C10orf90: variants seen among roughly 807,000 people sequenced by gnomAD.
The protein encoded by C10orf90 is chromosome 10 open reading frame 90.
Under a neutral mutation model 62.5 loss-of-function variants are expected in C10orf90, and 56 were observed. The observed-to-expected ratio is 0.90, with a 90% CI of 0.72 to 1.12. C10orf90 has a LOEUF of 1.12. C10orf90 is among the 50% of genes most tolerant of loss of function. C10orf90 has a pLI of 0.00. For missense variants in C10orf90, 970 were observed against 880.4 expected (o/e 1.10, Z -1.29); for synonymous variants, 386 against 340.4 (o/e 1.13, Z -1.47).
chr10:126,550,877 T>C (rs146018021), intron 2 of C10orf90, among the ~76,000 whole-genome samples: 1 of 152,312 alleles, frequency 6.6e-6, no homozygotes, highest in Non-Finnish European at 1.5e-5. Flanking sequence ...AACCTTCAAC[T>C]AAAAACAATT....
At chr10:126,605,298 G>T (rs12762494) in intron 2 of C10orf90, among the ~76,000 whole-genome samples, 3 of 152,150 alleles carry the variant, frequency 2.0e-5, no homozygotes, top group African/African-American at 4.8e-5. Flanking sequence ...TGACTCCAGC[G>T]CTCTCCTCTC....
At chr10:126,509,079 G>C (rs1292091030) in intron 3 of C10orf90, among the ~76,000 whole-genome samples, 1 of 152,186 alleles carries the variant, frequency 6.6e-6, no homozygotes, top group Non-Finnish European at 1.5e-5. Context: ...AGGCCCAGAG[G>C]ACGGGATAAG....
At chr10:126,651,708 C>T (rs1029659649) in intron 1 of C10orf90, among the ~76,000 whole-genome samples, 1 of 152,306 alleles carries the variant, frequency 6.6e-6, no homozygotes, top group East Asian at 1.9e-4. Flanking sequence ...TGCCCTCCCC[C>T]ACTAACTTTG....
At chr10:126,552,737 C>T (rs1373432037) in intron 2 of C10orf90, among the ~76,000 whole-genome samples, 3 of 152,214 alleles carry the variant, frequency 2.0e-5, no homozygotes, top group Non-Finnish European at 4.4e-5. Flanking sequence ...AGGCAGAGGA[C>T]GAAGTAGCAA....
chr10:126,657,348 T>G (rs1846414680), intron 1 of C10orf90, among the ~76,000 whole-genome samples: 1 of 152,188 alleles, frequency 6.6e-6, no homozygotes, highest in Admixed American at 6.5e-5. Context: ...GGCCTCTATT[T>G]TACATTCTGT....
chr10:126,473,059 C>T (rs1183691173), intron 4 of C10orf90, among the ~76,000 whole-genome samples: 1 of 152,118 alleles, frequency 6.6e-6, no homozygotes, highest in African/African-American at 2.4e-5. Context: ...TGTTATAGGG[C>T]ACTTGGGATG....
chr10:126,638,989 G>C (rs898500295), intron 2 of C10orf90, among the ~76,000 whole-genome samples: 4 of 152,222 alleles, frequency 2.6e-5, no homozygotes, highest in East Asian at 1.9e-4. Flanking sequence ...GCCTTTTATG[G>C]AATAACTTTA....
chr10:126,586,223 G>T (rs1844867272), intron 2 of C10orf90, among the ~76,000 whole-genome samples: 1 of 152,224 alleles, frequency 6.6e-6, no homozygotes, highest in Admixed American at 6.5e-5. Flanking sequence ...ATATCAGGTG[G>T]AACAAGTAAG....
At chr10:126,446,980 T>G (rs575512912) in intron 7 of C10orf90, among the ~76,000 whole-genome samples, 5 of 152,184 alleles carry the variant, frequency 3.3e-5, no homozygotes, top group Admixed American at 6.5e-5. Flanking sequence ...AGATGTTTTA[T>G]GTATGCCTAA....
intron 2 of C10orf90, among the ~76,000 whole-genome samples, chr10:126,607,130 G>A (rs1845329492): frequency 6.6e-6 from 1 of 152,174 alleles, no homozygotes. Context: ...AATGAAGGCA[G>A]GGGCGCCCAA....
intron 7 of C10orf90, among the ~76,000 whole-genome samples, chr10:126,437,056 C>G (rs1857971392): frequency 6.6e-6 from 1 of 152,130 alleles, no homozygotes; most frequent in Non-Finnish European, 1.5e-5. Flanking sequence ...ACACAGGGCA[C>G]CTATCCCCCA....
At chr10:126,586,581 A>G (rs867435913) in intron 2 of C10orf90, among the ~76,000 whole-genome samples, 16 of 152,282 alleles carry the variant, frequency 1.1e-4, no homozygotes, top group Middle Eastern at 3.4e-3. Context: ...CTTTCTGGAA[A>G]GTCTTAACTT....
At chr10:126,633,866 T>G (rs1394891197) in intron 2 of C10orf90, among the ~76,000 whole-genome samples, 1 of 152,224 alleles carries the variant, frequency 6.6e-6, no homozygotes, top group African/African-American at 2.4e-5. Context: ...GCTGCTAATT[T>G]AAAAATTAAT....
chr10:126,501,126 G>A (rs961975855), intron 4 of C10orf90, among the ~76,000 whole-genome samples: 4 of 152,202 alleles, frequency 2.6e-5, no homozygotes, highest in Non-Finnish European at 2.9e-5. Context: ...AATATAAACA[G>A]TTCCTCTGAG....
At chr10:126,626,112 C>T (rs1845736499) in intron 2 of C10orf90, among the ~76,000 whole-genome samples, 1 of 138,114 alleles carries the variant, frequency 7.2e-6, no homozygotes, top group African/African-American at 2.8e-5. Flanking sequence ...CTGGGCAACA[C>T]AGCGAGATTC....
chr10:126,570,562 G>A (rs984468578), intron 2 of C10orf90, among the ~76,000 whole-genome samples: 1 of 152,166 alleles, frequency 6.6e-6, no homozygotes, highest in African/African-American at 2.4e-5. Flanking sequence ...AAATTTTGGA[G>A]TAATGCACTG....
At chr10:126,529,678 C>T (rs1338598636) in intron 2 of C10orf90, among the ~76,000 whole-genome samples, 1 of 152,038 alleles carries the variant, frequency 6.6e-6, no homozygotes, top group Non-Finnish European at 1.5e-5. Context: ...GAGACCATTC[C>T]GCATCTACCC....
chr10:126,573,184 A>G (rs1268904779), intron 2 of C10orf90, among the ~76,000 whole-genome samples: 1 of 152,120 alleles, frequency 6.6e-6, no homozygotes, highest in Non-Finnish European at 1.5e-5. Context: ...TCCATGTGAG[A>G]GGGTCGTGAT....
At chr10:126,432,504 C>T (rs545663658) in intron 7 of C10orf90, among the ~76,000 whole-genome samples, 2 of 152,272 alleles carry the variant, frequency 1.3e-5, no homozygotes, top group South Asian at 4.1e-4. Flanking sequence ...CCGGCAAATG[C>T]TCTGGTGAAA....
Sources: allele counts gnomAD v4.1 joint callset (sites outside exome capture counted in the v4.1 genomes callset), GRCh38; gene constraint gnomAD v4.1.1; transcripts MANE v1.5; gene names NCBI Gene and HGNC (gene_info 2026-07-23, HGNC 2026-07-21).